COL28A1: variants seen among roughly 807,000 people sequenced by gnomAD.
COL28A1 encodes collagen type XXVIII alpha 1 chain, also known as collagen alpha-1(XXVIII) chain.
In COL28A1, 161 loss-of-function variants were observed where a neutral mutation model predicts 150.2. The observed-to-expected ratio is 1.07, with a 90% CI of 0.94 to 1.22. The LOEUF (loss-of-function observed/expected upper bound fraction) is 1.22. Among genes scored for constraint, COL28A1 ranks in the 50% most tolerant of loss-of-function variants. The pLI is 0.00. For synonymous variants in COL28A1, 552 were observed against 469.7 expected, an observed-to-expected ratio of 1.18 and a Z score of -2.26; for missense variants, 1,617 against 1,388.3, an observed-to-expected ratio of 1.16 and a Z score of -2.62.
chr7:7,370,616 T>C, intron 33 of COL28A1, 109 bp downstream of exon 33: 1 of 802,046 alleles, frequency 1.2e-6, no homozygotes. Flanking sequence ...GACCTAAAAA[T>C]ACACGTGCCT....
intron 3 of COL28A1, among the ~76,000 whole-genome samples, chr7:7,526,398 G>A (rs1004051706): frequency 1.3e-5 from 2 of 152,208 alleles, no homozygotes; most frequent in African/African-American, 4.8e-5. Flanking sequence ...AAAGCAAGTT[G>A]TAGATAGATA....
intron 13 of COL28A1, among the ~76,000 whole-genome samples, chr7:7,481,539 G>C (rs1331930989): frequency 1.3e-5 from 2 of 152,186 alleles, no homozygotes; most frequent in Non-Finnish European, 2.9e-5. Context: ...CTAAGGCCAT[G>C]AGAACCAATT....
At chr7:7,473,977 T>C (rs980303418) in intron 15 of COL28A1, among the ~76,000 whole-genome samples, 3 of 148,492 alleles carry the variant, frequency 2.0e-5, no homozygotes, top group African/African-American at 7.4e-5. Context: ...ATAGTGTGTA[T>C]ATAGTGTATA....
At chr7:7,462,750 T>A (rs575758968) in intron 15 of COL28A1, among the ~76,000 whole-genome samples, 50 of 151,550 alleles carry the variant, frequency 3.3e-4, no homozygotes, top group African/African-American at 1.2e-3. Context: ...TCCCAGCTAC[T>A]GGGGATGCTG....
chr7:7,499,317 C>T (rs1780392922), intron 11 of COL28A1, among the ~76,000 whole-genome samples: 2 of 152,296 alleles, frequency 1.3e-5, no homozygotes, highest in South Asian at 2.1e-4. Context: ...ATACACTGAG[C>T]AGTCACAACC....
intron 23 of COL28A1, among the ~76,000 whole-genome samples, chr7:7,433,612 C>G (rs933238263): frequency 7.0e-6 from 1 of 142,506 alleles, no homozygotes; most frequent in African/African-American, 2.6e-5. Context: ...CCAGCCTGGG[C>G]GACAGAGCAA....
chr7:7,482,882 T>C lies in COL28A1; in HGVS notation c.1165-5702A>G, dbSNP rs576972498. The stretch of plus-strand genomic sequence containing the variant: ...ATAAGTTAAGCATCTTAGGTAAGCA[T>C]CTAAGCTGGTGCTACAGCTGTCCTG... On this transcript the variant is annotated intron_variant, in intron 13 of 34. Transcript: ENST00000399429. Among the ~76,000 whole-genome samples, 6 of 152,292 alleles carry C rather than the reference T, an allele frequency of 3.9e-5. 1 individual carries two copies. The South Asian group carries it at 1.0e-3, about 26-fold the overall frequency.
chr7:7,424,603 T>C (rs1481655675), intron 25 of COL28A1, among the ~76,000 whole-genome samples: 1 of 152,132 alleles, frequency 6.6e-6, no homozygotes, highest in Non-Finnish European at 1.5e-5. Context: ...GCCCTTGTAT[T>C]AGGAGATAAT....
intron 15 of COL28A1, among the ~76,000 whole-genome samples, chr7:7,467,733 AG>A (rs1410411668): frequency 1.2e-5 from 1 of 86,774 alleles, no homozygotes; most frequent in Admixed American, 1.3e-4. Flanking sequence ...CAAATGTAAA[AG>A]AACAGAAATT....
At chr7:7,495,716 CCAGTCTA>C (rs1780173598) in intron 11 of COL28A1, among the ~76,000 whole-genome samples, 2 of 152,280 alleles carry the variant, frequency 1.3e-5, no homozygotes, top group Admixed American at 1.3e-4. Flanking sequence ...CCACGCGTCT[CCAGTCTA>C]CAGCAAACTG....
At chr7:7,376,912 G>A (rs60481772) in intron 30 of COL28A1, among the ~76,000 whole-genome samples, 3,857 of 152,222 alleles carry the variant, frequency 0.025, 168 homozygotes, top group African/African-American at 0.088. Flanking sequence ...TCCAACAGCA[G>A]TATATAAGAA....
intron 30 of COL28A1, among the ~76,000 whole-genome samples, chr7:7,379,956 C>T (rs1781777963): frequency 1.3e-5 from 2 of 152,162 alleles, no homozygotes; most frequent in Non-Finnish European, 2.9e-5. Context: ...CCTGAACTGC[C>T]ACTCCCTCAC....
At chr7:7,340,086 A>T in the COL28A1 span, among the ~76,000 whole-genome samples, 5 of 151,830 alleles carry the variant, frequency 3.3e-5, no homozygotes, top group Non-Finnish European at 7.4e-5. Context: ...TGCCTCTCAG[A>T]TTCAAGCGGT....
intron 1 of COL28A1, among the ~76,000 whole-genome samples, chr7:7,534,349 C>T (rs1384455938): frequency 6.6e-6 from 1 of 152,138 alleles, no homozygotes; most frequent in African/African-American, 2.4e-5. Flanking sequence ...CAAAGGCCAT[C>T]TCTCCTCAAG....
intron 27 of COL28A1, among the ~76,000 whole-genome samples, chr7:7,396,326 G>GC (rs1782834119): frequency 6.6e-6 from 1 of 152,158 alleles, no homozygotes. Flanking sequence ...AACCCTGGGA[G>GC]CAAGTATATA....
At chr7:7,508,802 A>G (rs992359047) in intron 9 of COL28A1, among the ~76,000 whole-genome samples, 3 of 151,692 alleles carry the variant, frequency 2.0e-5, no homozygotes, top group African/African-American at 7.3e-5. Flanking sequence ...AGTTGCCCAC[A>G]CTGGTGATAT....
At chr7:7,479,044 C>A (rs902227522) in intron 13 of COL28A1, among the ~76,000 whole-genome samples, 1 of 152,232 alleles carries the variant, frequency 6.6e-6, no homozygotes, top group African/African-American at 2.4e-5. Flanking sequence ...GGCACCGAGG[C>A]TGAGGAGGCG....
At chr7:7,419,232 G>A (rs994712114) in intron 26 of COL28A1, among the ~76,000 whole-genome samples, 12 of 152,150 alleles carry the variant, frequency 7.9e-5, no homozygotes, top group African/African-American at 2.7e-4. Context: ...TCTTTCTGAT[G>A]GGAGGCTGTC....
chr7:7,510,988 T>G, intron 9 of COL28A1, 103 bp downstream of exon 9: 1 of 878,784 alleles, frequency 1.1e-6, no homozygotes, highest in South Asian at 1.4e-5. Context: ...TGATTCCAAC[T>G]CTAGTAGTGA....
Sources: gnomAD v4.1 joint callset for allele counts (sites outside exome capture counted in the v4.1 genomes callset) on GRCh38, gnomAD v4.1.1 for gene constraint, MANE v1.5 for transcripts, NCBI Gene and HGNC (gene_info 2026-07-23, HGNC 2026-07-21) for gene names.